MUC5B: variants seen among roughly 807,000 people sequenced by gnomAD.
MUC5B encodes the protein mucin 5B, oligomeric mucus/gel-forming, also known as mucin-5B.
In MUC5B, 116 loss-of-function variants were observed where a neutral mutation model predicts 376.9. The observed-to-expected ratio is 0.31, with a 90% CI of 0.26 to 0.36. The LOEUF is 0.36. MUC5B is among the 10% of genes least tolerant of loss of function. The probability of loss-of-function intolerance (pLI) is 1.00; values close to 1 mark genes in which losing one functional copy is unlikely to be tolerated. For synonymous variants in MUC5B, 3,517 were observed against 3,390.9 expected (o/e 1.04, Z -1.29); for missense variants, 7,165 against 7,769.9 (o/e 0.92, Z 2.93).
chr11:1,248,456 C>G lies in MUC5B; in HGVS notation c.11576C>G (p.Thr3859Arg), dbSNP rs1221837366. ...SVATPSSTPG[T>R]AHTTKVPTTT... ...GCCACCCCCTCTTCCACCCCAGGAA[C>G]AGCTCACACTACCAAAGTGCCGACT... is the stretch of plus-strand genomic sequence containing the variant. The change falls in exon 31 of 49, where the codon ACA (threonine) becomes AGA (arginine). Residue 3859 changes from threonine (T) to arginine (R), a missense_variant. By Grantham distance (71) the Thr-to-Arg change is moderately conservative (BLOSUM62 -1). Transcript: ENST00000529681. 1 of 1,610,676 alleles carries G rather than the reference C, an allele frequency of 6.2e-7. No homozygotes were observed. Among genetic ancestry groups the G allele is most frequent in the Non-Finnish European group, 8.5e-7 (1 of 1,178,016 alleles).
At position 1,257,251 on chromosome 11, in the gene MUC5B, C is replaced by A; in HGVS notation, c.16249C>A (p.Pro5417Thr). ...ICVQACPCVG[P>T]DGFPKFPGER... is the part of the protein sequence containing the mutation. Reference sequence around the variant, plus strand: ...TGTTTTCTTTCCAGCCTGCGTGGGACCCGATGGGTTTCCTAAATTTGTGAG... The same window carrying A: ...TGTTTTCTTTCCAGCCTGCGTGGGAACCGATGGGTTTCCTAAATTTGTGAG... The change falls in exon 40 of 49, where the codon CCC becomes ACC. Residue 5417 changes from proline (P) to threonine (T), a missense_variant. By Grantham distance (38) the Pro-to-Thr change is conservative. Coordinates refer to ENST00000529681, the MANE Select transcript of MUC5B (RefSeq NM_002458.3). The surrounding 1 kb of genome is among the most constrained non-coding windows in gnomAD (Gnocchi z 8.9). 1 of 779,896 alleles carries A rather than the reference C, an allele frequency of 1.3e-6. No individual in the cohort carries two copies. The highest frequency in any genetic ancestry group is 2.4e-6 in the Non-Finnish European group (1 of 418,158). The allele number at this position is 779,896 out of a possible 1,614,324, so 48.3% of individuals were successfully genotyped here. A position where few individuals can be genotyped will look rare whatever the true frequency, so the allele number is the denominator to read the frequency against.
chr11:1,250,393 A>T lies in MUC5B; in HGVS notation c.13513A>T (p.Thr4505Ser), dbSNP rs1354180460. ...ATPSSSPGTATALPALRSTAT... is the reference protein window; with the variant it reads ...ATPSSSPGTASALPALRSTAT... The stretch of plus-strand genomic sequence containing the variant: ...TCCCTCCTCCAGTCCAGGGACTGCA[A>T]CTGCCCTTCCAGCACTGAGAAGCAC... The change falls in exon 31 of 49, where the codon ACT becomes TCT. Residue 4505 changes from threonine (T) to serine (S), a missense_variant. By Grantham distance (58) the Thr-to-Ser change is moderately conservative. This residue lies in a region of MUC5B where 431 missense variants were observed against 390.4 expected (regional missense o/e 1.10). Transcript: ENST00000529681. 1 of 1,610,756 alleles carries T rather than the reference A, an allele frequency of 6.2e-7. No homozygotes were observed. The highest frequency in any genetic ancestry group is 1.7e-5 in the Admixed American group (1 of 59,816).
intron 34 of MUC5B, 111 bp downstream of exon 34, chr11:1,254,462 G>T: frequency 1.4e-6 from 2 of 1,459,386 alleles, no homozygotes; most frequent in Non-Finnish European, 1.8e-6. Flanking sequence ...CAGTGCCCAA[G>T]ACAGCTCCCA....
rs568668054 is a variant in MUC5B, at chr11:1,248,579, G to A, written c.11699G>A (p.Ser3900Asn). 6.0e-5 allele frequency: 97 copies of A among 1,612,460 alleles called. 1 individual carries two copies. In the East Asian group the frequency reaches 2.2e-3, roughly 36 times the overall value. ...WISTTTTPTT[S>N]GSTVTPSSVP... is the part of the protein sequence containing the mutation. The stretch of plus-strand genomic sequence containing the variant: ...AGCACAACCACCACACCCACAACCA[G>A]TGGCTCCACGGTGACCCCCTCCTCC... The change falls in exon 31 of 49, where the codon AGT becomes AAT. Residue 3900 changes from serine to asparagine, a missense_variant. Around this residue, in one of 31 missense-constraint regions of MUC5B, gnomAD observed 242 missense variants for 199.0 expected, o/e 1.22. Coordinates refer to ENST00000529681, the MANE Select transcript of MUC5B (RefSeq NM_002458.3).
chr11:1,223,104 C>G lies in MUC5B; in HGVS notation c.-20C>G, dbSNP rs369938192. 1.9e-5 allele frequency: 13 copies of G among 699,172 alleles called. No homozygotes were observed. Among genetic ancestry groups the G allele is most frequent in the East Asian group, 1.1e-4 (4 of 37,128 alleles). The allele number at this position is 699,172 out of a possible 1,614,324, so 43.3% of individuals were successfully genotyped here. On this transcript the variant is annotated 5_prime_UTR_variant, in exon 1 of 49. Coordinates refer to ENST00000529681, the MANE Select transcript of MUC5B (RefSeq NM_002458.3). ...CCCTCCCTGCCCGTCCCCGTCCCCCCACCCGTGCCAGCCCCCAGGATGGGT... is the reference window on the plus strand; with the variant it reads ...CCCTCCCTGCCCGTCCCCGTCCCCCGACCCGTGCCAGCCCCCAGGATGGGT...
rs777280401 is a variant in MUC5B at position 1,259,064 on chromosome 11, G to A, written c.16713+3G>A. 13 of 1,546,666 alleles carry A rather than the reference G, an allele frequency of 8.4e-6. No individual in the cohort carries two copies. Among genetic ancestry groups the A allele is most frequent in the South Asian group, 7.2e-5 (6 of 83,738 alleles). Reference sequence around the variant, plus strand: ...GCAACAATACTACCTGTCCCCAGGTGAGACCCGAGGCACCTGCCCCCAGGT... The same window carrying A: ...GCAACAATACTACCTGTCCCCAGGTAAGACCCGAGGCACCTGCCCCCAGGT... On this transcript the variant is annotated splice_donor_region_variant and intron_variant, in intron 44 of 48. Coordinates refer to ENST00000529681, the MANE Select transcript of MUC5B (RefSeq NM_002458.3).
At chr11:1,252,740 G>T (rs1862738462) in intron 32 of MUC5B, 69 bp from the exon 33 acceptor site, 3 of 1,517,896 alleles carry the variant, frequency 2.0e-6, no homozygotes, top group Non-Finnish European at 2.7e-6. Context: ...GGGCCATGAG[G>T]GGTGGGATGA....
At position 1,242,207 on chromosome 11, in the gene MUC5B, C is replaced by G; in HGVS notation, c.5327C>G (p.Thr1776Ser). 1.2e-6 allele frequency: 2 copies of G among 1,613,678 alleles called. No homozygotes were observed. The highest frequency in any genetic ancestry group is 8.5e-7 in the Non-Finnish European group (1 of 1,179,874). The change falls in exon 31 of 49, where the codon ACC (threonine) becomes AGC (serine). Residue 1776 changes from threonine to serine, a missense_variant. Thr to Ser is a moderately conservative substitution (Grantham distance 58). Coordinates refer to ENST00000529681, the MANE Select transcript of MUC5B (RefSeq NM_002458.3). ...ACAATGAGCCCCTTGACTAACACCA[C>G]CACCAGCCAGGGCACGACCCGCTGT... The part of the protein sequence containing the change: ...ETTMSPLTNT[T>S]TSQGTTRCQP...
chr11:1,232,414 G>A (rs1466398818), intron 15 of MUC5B, 36 bp from the exon 16 acceptor site: 7 of 1,561,706 alleles, frequency 4.5e-6, no homozygotes, highest in African/African-American at 4.1e-5. Flanking sequence ...GGGCTTCGGG[G>A]CAGGGCGTGG....
Position 1,241,999 on chromosome 11 carries a change from G to A in MUC5B, c.5119G>A (p.Gly1707Ser). The A allele has an allele frequency of 6.3e-7, 1 of 1,588,586 alleles. No individual in the cohort carries two copies. ...CCTTCCAGGGACGACGGGGAGCTTG[G>A]GCACATGGCGCCCCTCACAGCCACC... is the stretch of plus-strand genomic sequence containing the variant. Reference protein sequence around the residue: ...SALPGTTGSLGTWRPSQPPTL... With the variant: ...SALPGTTGSLSTWRPSQPPTL... The change falls in exon 31 of 49, where the codon GGC becomes AGC. Residue 1707 changes from glycine to serine, a missense_variant. Around this residue, in one of 31 missense-constraint regions of MUC5B, gnomAD observed 897 missense variants for 779.6 expected, o/e 1.15. Coordinates refer to ENST00000529681, the MANE Select transcript of MUC5B (RefSeq NM_002458.3).
rs61734162 is a variant in MUC5B at position 1,260,650 on chromosome 11, C to G, written c.16991C>G (p.Thr5664Arg). The change falls in exon 48 of 49, where the codon ACG becomes AGG. Residue 5664 changes from threonine to arginine, a missense_variant. Coordinates refer to ENST00000529681, the MANE Select transcript of MUC5B (RefSeq NM_002458.3). ...GACTCCTGTCAAGTCCGCATCAACA[C>G]GACCATCCTGTGGCACCAGGGCTGC... ...EEDSCQVRIN[T>R]TILWHQGCET... is the part of the protein sequence containing the mutation. The G allele has an allele frequency of 2.5e-6, 4 of 1,612,620 alleles. No individual in the cohort carries two copies. Among genetic ancestry groups the G allele is most frequent in the East Asian group, 4.5e-5 (2 of 44,878 alleles).
At chr11:1,225,219 A>G (rs1316445361) in intron 1 of MUC5B, among the ~76,000 whole-genome samples, 1 of 152,262 alleles carries the variant, frequency 6.6e-6, no homozygotes, top group Non-Finnish European at 1.5e-5. Flanking sequence ...GGAAGGCTCC[A>G]AGTGTGTCCT....
chr11:1,242,625 T>A lies in MUC5B; in HGVS notation c.5745T>A (p.Thr1915=), dbSNP rs59639084. The change falls in exon 31 of 49, where the codon ACT becomes ACA. Residue 1915 remains threonine (T), a synonymous_variant. Transcript: ENST00000529681. Reference sequence around the variant, plus strand: ...TCACAAAGCCGACCACAACAGCCACTACGACTGCGTCCACTGGATCCACGG... The same window carrying A: ...TCACAAAGCCGACCACAACAGCCACAACGACTGCGTCCACTGGATCCACGG... ...WILTKPTTTA[T]TTASTGSTAT... is the part of the protein sequence containing the mutation. 403 of 1,612,654 alleles carry A rather than the reference T, an allele frequency of 2.5e-4. 2 individuals carry two copies. In the East Asian group the frequency reaches 8.8e-3, roughly 35 times the overall value.
In MUC5B at chr11:1,249,860, C is replaced by T; in HGVS notation, c.12980C>T (p.Pro4327Leu). 2 of 1,613,654 alleles carry T rather than the reference C, an allele frequency of 1.2e-6. No individual in the cohort carries two copies. The highest frequency in any genetic ancestry group is 8.5e-7 in the Non-Finnish European group (1 of 1,179,802). Residue 4327 changes from proline (P) to leucine (L), a missense_variant, in exon 31 of 49, where the codon CCC becomes CTC. Transcript: ENST00000529681. ...ACAGCTACCAGCGTTACACCCATCCCCTCCTCCACCCTTGGGACCACCGGG... is the reference window on the plus strand; with the variant it reads ...ACAGCTACCAGCGTTACACCCATCCTCTCCTCCACCCTTGGGACCACCGGG... ...KSTATSVTPI[P>L]SSTLGTTGTL...
At position 1,255,513 on chromosome 11, in the gene MUC5B, C is replaced by G. The variant is rs1862817500; in HGVS notation, c.16021C>G (p.Arg5341Gly). ...LEAYAELCRA[R>G]GVCSDWRGAT... ...GGCTTACGCAGAGCTCTGCCGCGCC[C>G]GGGGAGTGTGCAGTGACTGGCGAGG... The change falls in exon 37 of 49, where the codon CGG becomes GGG. Residue 5341 changes from arginine to glycine, a missense_variant. By Grantham distance (125) the Arg-to-Gly change is moderately radical. Around this residue, in one of 31 missense-constraint regions of MUC5B, gnomAD observed 842 missense variants for 1,016.9 expected, o/e 0.83. Transcript: ENST00000529681. 6.4e-7 allele frequency: 1 copy of G among 1,550,540 alleles called. No homozygotes were observed. Among genetic ancestry groups the G allele is most frequent in the Admixed American group, 1.9e-5 (1 of 51,494 alleles).
In MUC5B at chr11:1,253,875, C is replaced by T. The variant is rs530203872; in HGVS notation, c.15218-217C>T. Among the ~76,000 whole-genome samples the T allele has an allele frequency of 2.0e-5, 3 of 152,354 alleles. No homozygotes were observed. Among genetic ancestry groups the T allele is most frequent in the Non-Finnish European group, 2.9e-5 (2 of 68,032 alleles). ...TCCCATCTGCAAAGACACTTTCTCC[C>T]GGCAAAGCCACATGCGGAGGTTCTG... On this transcript the variant is annotated intron_variant, in intron 33 of 48. Coordinates refer to ENST00000529681, the MANE Select transcript of MUC5B (RefSeq NM_002458.3). The surrounding 1 kb of genome is among the most constrained non-coding windows in gnomAD (Gnocchi z 4.3).
rs866055874 is a variant in MUC5B at position 1,229,259 on chromosome 11, G to A, written c.1066G>A (p.Glu356Lys). Reference protein sequence around the residue: ...CSNPQRAQLCEDHCVDGCFCP... With the variant: ...CSNPQRAQLCKDHCVDGCFCP... ...CAACCCCCAGCGCGCGCAGCTCTGC[G>A]AGGACCACTGTGTGGACGGCTGCTT... is the stretch of plus-strand genomic sequence containing the variant. The change falls in exon 9 of 49, where the codon GAG (glutamate) becomes AAG (lysine). Residue 356 changes from glutamate (E) to lysine (K), a missense_variant. Around this residue, in one of 31 missense-constraint regions of MUC5B, gnomAD observed 640 missense variants for 733.0 expected, o/e 0.87. Coordinates refer to ENST00000529681, the MANE Select transcript of MUC5B (RefSeq NM_002458.3). The A allele has an allele frequency of 4.4e-6, 7 of 1,587,686 alleles. No individual in the cohort carries two copies. The highest frequency in any genetic ancestry group is 1.7e-4 in the Middle Eastern group (1 of 6,034).
chr11:1,238,973 C>G lies in MUC5B; in HGVS notation c.3400C>G (p.Gln1134Glu). The change falls in exon 26 of 49, where the codon CAG becomes GAG. Residue 1134 changes from glutamine to glutamate, a missense_variant. Physicochemically the swap from Gln to Glu is conservative, Grantham distance 29. Coordinates refer to ENST00000529681, the MANE Select transcript of MUC5B (RefSeq NM_002458.3). The part of the protein sequence containing the change: ...CFCTAVAAYA[Q>E]ACHDAGLCVS... ...CTGCACGGCTGTGGCTGCCTACGCC[C>G]AGGCCTGCCACGACGCGGGCCTGTG... The G allele has an allele frequency of 6.4e-7, 1 of 1,572,256 alleles. No individual in the cohort carries two copies. The highest frequency in any genetic ancestry group is 8.6e-7 in the Non-Finnish European group (1 of 1,159,606).
In MUC5B at chr11:1,244,737, C is replaced by T. The variant is rs749204689; in HGVS notation, c.7857C>T (p.Thr2619=). The T allele has an allele frequency of 2.5e-6, 4 of 1,612,232 alleles. No homozygotes were observed. Among genetic ancestry groups the T allele is most frequent in the Admixed American group, 1.7e-5 (1 of 59,752 alleles). Residue 2619 remains threonine, a synonymous_variant, in exon 31 of 49, where the codon ACC becomes ACT. Transcript: ENST00000529681. The part of the protein sequence containing the change: ...LTTTTTGFTA[T]PSSSPGTART... ...CCACAACCACGGGCTTCACAGCCAC[C>T]CCCTCCTCCAGCCCAGGGACGGCAC...
Sources: gnomAD v4.1 joint callset for allele counts (sites outside exome capture counted in the v4.1 genomes callset) on GRCh38, gnomAD v4.1.1 for gene constraint, gnomAD v4.1.1 regional missense constraint, Gnocchi (gnomAD v3.1) non-coding constraint, MANE v1.5 for transcripts, NCBI Gene and HGNC (gene_info 2026-07-23, HGNC 2026-07-21) for gene names.